Variants in BMERB1 observed in about 807,000 individuals in gnomAD.
BMERB1 encodes the protein bMERB domain containing 1, also known as bMERB domain-containing protein 1.
A neutral mutation model predicts 23.6 loss-of-function variants in BMERB1; 12 were observed. The observed-to-expected ratio is 0.51, with a 90% CI of 0.33 to 0.82. BMERB1 has a LOEUF of 0.82. BMERB1 is among the 40% of genes least tolerant of loss of function. The probability of loss-of-function intolerance (pLI) is 0.03; values close to 1 mark genes in which losing one functional copy is unlikely to be tolerated. For synonymous variants in BMERB1, 122 were observed against 96.6 expected, an observed-to-expected ratio of 1.26 and a Z score of -1.54; for missense variants, 247 against 255.4, an observed-to-expected ratio of 0.97 and a Z score of 0.22.
chr16:15,560,007 G>A lies in BMERB1; in HGVS notation c.231-7976G>A, dbSNP rs539653403. Among the ~76,000 whole-genome samples the A allele has an allele frequency of 4.9e-4, 74 of 152,294 alleles. 1 individual carries two copies. The South Asian group carries it at 0.015, about 31-fold the overall frequency. ...AATTTGTGTTGGGCTGCCTTCAAAA[G>A]CCATCCTGGGCCTAATTTGGACAAG... On this transcript the variant is annotated intron_variant, in intron 2 of 5. Transcript: ENST00000300006.
chr16:15,453,475 G>C (rs1328332799), intron 1 of BMERB1, among the ~76,000 whole-genome samples: 1 of 152,052 alleles, frequency 6.6e-6, no homozygotes, highest in Non-Finnish European at 1.5e-5. Flanking sequence ...TTAGCTACTT[G>C]GGAGGCCAAG....
chr16:15,526,915 G>A (rs1344427046), intron 2 of BMERB1, among the ~76,000 whole-genome samples: 2 of 147,930 alleles, frequency 1.4e-5, no homozygotes, highest in Non-Finnish European at 3.0e-5. Context: ...ATTCTATGAA[G>A]TATGAAATAA....
chr16:15,468,135 CTTTTT>C (rs749534588), intron 1 of BMERB1, among the ~76,000 whole-genome samples: 57 of 31,042 alleles, frequency 1.8e-3, no homozygotes, highest in South Asian at 3.7e-3. Flanking sequence ...CTTTCTTCTT[CTTTTT>C]TTTTTTTTTT....
intron 1 of BMERB1, among the ~76,000 whole-genome samples, chr16:15,438,127 C>G (rs957804572): frequency 6.6e-6 from 1 of 151,820 alleles, no homozygotes; most frequent in Non-Finnish European, 1.5e-5. Flanking sequence ...CACTCTGTCC[C>G]CCAGGCTGGA....
At chr16:15,450,845 A>C (rs2051035587) in intron 1 of BMERB1, among the ~76,000 whole-genome samples, 1 of 152,136 alleles carries the variant, frequency 6.6e-6, no homozygotes, top group African/African-American at 2.4e-5. Flanking sequence ...TGGCTCTTCC[A>C]ACCACCATTT....
chr16:15,571,119 T>C (rs2030713634), intron 3 of BMERB1, among the ~76,000 whole-genome samples: 2 of 151,124 alleles, frequency 1.3e-5, no homozygotes, highest in Non-Finnish European at 2.9e-5. Flanking sequence ...TTCAGCCCAG[T>C]AGGTCTCAGC....
intron 2 of BMERB1, among the ~76,000 whole-genome samples, chr16:15,533,924 A>G (rs538939833): frequency 6.6e-6 from 1 of 152,036 alleles, no homozygotes; most frequent in East Asian, 1.9e-4. Flanking sequence ...GCCTAGGGAA[A>G]TCCAAAATCC....
intron 1 of BMERB1, among the ~76,000 whole-genome samples, chr16:15,439,164 G>A (rs886781882): frequency 6.6e-6 from 1 of 152,194 alleles, no homozygotes; most frequent in Non-Finnish European, 1.5e-5. Flanking sequence ...GATATGTAAT[G>A]TGCTATATCA....
chr16:15,514,392 C>T (rs923156363), intron 1 of BMERB1, among the ~76,000 whole-genome samples: 2 of 152,136 alleles, frequency 1.3e-5, no homozygotes, highest in Non-Finnish European at 2.9e-5. Flanking sequence ...GCAAAGTGGT[C>T]GTGGTCAGGG....
At chr16:15,520,276 C>G (rs992902806) in intron 2 of BMERB1, among the ~76,000 whole-genome samples, 18 of 152,008 alleles carry the variant, frequency 1.2e-4, no homozygotes, top group African/African-American at 4.4e-4. Flanking sequence ...ATTCTCAATG[C>G]CAGGACCCCT....
chr16:15,509,247 G>A (rs1184043801), intron 1 of BMERB1, among the ~76,000 whole-genome samples: 5 of 147,130 alleles, frequency 3.4e-5, no homozygotes, highest in East Asian at 2.1e-4. Flanking sequence ...GGTTAACTAC[G>A]CACTTTCGCA....
chr16:15,500,686 C>CTT lies in BMERB1; in HGVS notation c.107-14618_107-14617insTT, dbSNP rs545179637. On this transcript the variant is annotated intron_variant, in intron 1 of 5. Transcript: ENST00000300006. ...TTTAGTTTTGAGACGGAGTCTCACT[C>CTT]TGTCACCCAAACTGTAGTGCAGTGG... 2.9e-3 allele frequency among the ~76,000 whole-genome samples: 442 copies of CTT among 152,362 alleles called. 5 individuals are homozygous for CTT. Among genetic ancestry groups the CTT allele is most frequent in the African/African-American group, 0.01 (427 of 41,586 alleles).
chr16:15,522,819 A>G (rs114851781), intron 2 of BMERB1, among the ~76,000 whole-genome samples: 289 of 152,218 alleles, frequency 1.9e-3, no homozygotes, highest in African/African-American at 4.9e-3. Context: ...GGCAGTGTCT[A>G]GGGGTGGATG....
chr16:15,493,411 A>G lies in BMERB1; in HGVS notation c.107-21894A>G, dbSNP rs77301909. Reference sequence around the variant, plus strand: ...GATGGGATCCTGGAATGGAAAAAGAACATTGGCGGAAAAACAAGGAAATCT... The same window carrying G: ...GATGGGATCCTGGAATGGAAAAAGAGCATTGGCGGAAAAACAAGGAAATCT... On this transcript the variant is annotated intron_variant, in intron 1 of 5. Coordinates refer to ENST00000300006, the MANE Select transcript of BMERB1 (RefSeq NM_033201.3). 9.1e-3 allele frequency among the ~76,000 whole-genome samples: 1,388 copies of G among 152,300 alleles called. 28 individuals carry two copies. Among genetic ancestry groups the G allele is most frequent in the African/African-American group, 0.032 (1,320 of 41,552 alleles).
chr16:15,559,639 A>C (rs184499318), intron 2 of BMERB1, among the ~76,000 whole-genome samples: 47 of 152,320 alleles, frequency 3.1e-4, no homozygotes, highest in Admixed American at 1.2e-3. Flanking sequence ...TGTTTGCCTT[A>C]ATGGCAGAAC....
At chr16:15,586,278 A>G (rs1175292566) in intron 5 of BMERB1, among the ~76,000 whole-genome samples, 1 of 152,216 alleles carries the variant, frequency 6.6e-6, no homozygotes, top group Non-Finnish European at 1.5e-5. Context: ...CTAGGAGATA[A>G]AACAGAGAAT....
intron 2 of BMERB1, among the ~76,000 whole-genome samples, chr16:15,561,560 C>T (rs924812895): frequency 6.6e-6 from 1 of 152,032 alleles, no homozygotes; most frequent in African/African-American, 2.4e-5. Flanking sequence ...TGAGCCACCC[C>T]ACCCAGCCAT....
At chr16:15,522,377 G>A (rs1031395147) in intron 2 of BMERB1, among the ~76,000 whole-genome samples, 1 of 152,138 alleles carries the variant, frequency 6.6e-6, no homozygotes, top group African/African-American at 2.4e-5. Flanking sequence ...GACAGGCCCT[G>A]GGAACCTGGC....
chr16:15,452,331 G>GAGGGAGGGA (rs2051049787), intron 1 of BMERB1, among the ~76,000 whole-genome samples: 9 of 132,880 alleles, frequency 6.8e-5, no homozygotes, highest in East Asian at 4.6e-4. Context: ...AGGGAGGGAG[G>GAGGGAGGGA]GAGAGAGAGA....
Sources: allele counts gnomAD v4.1 joint callset (sites outside exome capture counted in the v4.1 genomes callset), GRCh38; gene constraint gnomAD v4.1.1; transcripts MANE v1.5; gene names NCBI Gene and HGNC (gene_info 2026-07-23, HGNC 2026-07-21).